MYO16: variants seen among roughly 807,000 people sequenced by gnomAD.
MYO16 encodes myosin XVI.
A neutral mutation model predicts 205.3 loss-of-function variants in MYO16; 94 were observed. That is an observed-to-expected ratio of 0.46 (90% CI 0.39 to 0.54). The LOEUF (loss-of-function observed/expected upper bound fraction) is 0.54, where lower values mean the gene tolerates loss of function less well. Among genes scored for constraint, MYO16 ranks in the 20% least tolerant of loss-of-function variants. The probability of loss-of-function intolerance (pLI) is 0.00; values close to 1 mark genes in which losing one functional copy is unlikely to be tolerated. For synonymous variants in MYO16, 988 were observed against 954.0 expected, an observed-to-expected ratio of 1.04 and a Z score of -0.66; for missense variants, 2,315 against 2,387.5, an observed-to-expected ratio of 0.97 and a Z score of 0.63.
rs891330199 is a variant in MYO16, at chr13:108,873,021, T to C, written c.1425+6779T>C. ...TTACATTGAATTAGTGGTTATTCCC[T>C]GTAGCAATATTAGTGCCTAGTAAAT... On this transcript the variant is annotated intron_variant, in intron 12 of 34. Transcript: ENST00000457511. Among the ~76,000 whole-genome samples, 17 of 152,210 alleles carry C rather than the reference T, an allele frequency of 1.1e-4. 1 individual carries two copies. Among genetic ancestry groups the C allele is most frequent in the Admixed American group, 1.0e-3 (16 of 15,282 alleles).
intron 20 of MYO16, among the ~76,000 whole-genome samples, chr13:108,969,129 G>T (rs992319575): frequency 3.3e-5 from 5 of 152,100 alleles, no homozygotes; most frequent in Non-Finnish European, 5.9e-5. Context: ...TAGTGTTTTC[G>T]AGAGTATAGC....
intron 20 of MYO16, among the ~76,000 whole-genome samples, chr13:108,982,189 G>A (rs1884467986): frequency 6.6e-6 from 1 of 152,254 alleles, no homozygotes; most frequent in African/African-American, 2.4e-5. Context: ...GTTAATACCA[G>A]CGTGTTGTAT....
intron 16 of MYO16, among the ~76,000 whole-genome samples, chr13:108,943,882 G>T (rs1230279042): frequency 6.6e-6 from 1 of 152,238 alleles, no homozygotes; most frequent in African/African-American, 2.4e-5. Context: ...ACCGCCACCG[G>T]CTTTGTTTCT....
chr13:109,123,437 T>C (rs1337229697), intron 29 of MYO16, among the ~76,000 whole-genome samples: 1 of 152,168 alleles, frequency 6.6e-6, no homozygotes, highest in Non-Finnish European at 1.5e-5. Context: ...CGAAAGCCAA[T>C]GTCTCCCTTT....
At chr13:109,093,486 C>T (rs1019556965) in intron 27 of MYO16, among the ~76,000 whole-genome samples, 1 of 152,168 alleles carries the variant, frequency 6.6e-6, no homozygotes, top group Non-Finnish European at 1.5e-5. Flanking sequence ...GTCAATGTCT[C>T]CTTCCGAAGC....
At chr13:108,793,299 A>T (rs958676322) in intron 5 of MYO16, among the ~76,000 whole-genome samples, 2 of 62,664 alleles carry the variant, frequency 3.2e-5, no homozygotes, top group African/African-American at 7.9e-5. Flanking sequence ...AAAAAAAAAA[A>T]AAAAAACATA....
At chr13:108,560,617 T>G in the MYO16 span, among the ~76,000 whole-genome samples, 1 of 152,232 alleles carries the variant, frequency 6.6e-6, no homozygotes, top group Non-Finnish European at 1.5e-5. Flanking sequence ...AGAAGAATTT[T>G]ACACTTTACA....
intron 7 of MYO16, among the ~76,000 whole-genome samples, chr13:108,816,569 T>C (rs900881781): frequency 6.6e-6 from 1 of 152,326 alleles, no homozygotes; most frequent in Middle Eastern, 3.4e-3. Flanking sequence ...TCCATAAGCA[T>C]GAGTTGCAAG....
chr13:109,029,112 C>CTT (rs200871485), intron 23 of MYO16, among the ~76,000 whole-genome samples: 47,739 of 98,076 alleles, frequency 0.49, 11,623 homozygotes, highest in East Asian at 0.68. Flanking sequence ...TTTTTCTTTT[C>CTT]TTTTTTTTTT....
At chr13:108,935,262 T>G (rs1882427845) in intron 16 of MYO16, among the ~76,000 whole-genome samples, 1 of 152,188 alleles carries the variant, frequency 6.6e-6, no homozygotes, top group Non-Finnish European at 1.5e-5. Flanking sequence ...GCATGGAATG[T>G]TTTCCCATTT....
chr13:108,715,691 A>G (rs1883915441), intron 3 of MYO16, among the ~76,000 whole-genome samples: 1 of 152,154 alleles, frequency 6.6e-6, no homozygotes, highest in African/African-American at 2.4e-5. Flanking sequence ...AAAATAAACC[A>G]CTGATTGCAG....
In MYO16 at chr13:108,790,505, G is replaced by A. The variant is rs533505941; in HGVS notation, c.617-3011G>A. 1.4e-3 allele frequency among the ~76,000 whole-genome samples: 207 copies of A among 151,992 alleles called. 1 individual carries two copies. The highest frequency in any genetic ancestry group is 1.0e-3 in the Non-Finnish European group (71 of 67,954). Reference sequence around the variant, plus strand: ...TTAATTTGTTTTCAAAAAACAATACGAAAATCTATATTTTGTACATAAATG... The same window carrying A: ...TTAATTTGTTTTCAAAAAACAATACAAAAATCTATATTTTGTACATAAATG... On this transcript the variant is annotated intron_variant, in intron 5 of 34. Coordinates refer to ENST00000457511, the MANE Select transcript of MYO16 (RefSeq NM_001198950.3).
rs536620405 is a variant in MYO16, at chr13:108,685,303, G to A, written c.292+19154G>A. Among the ~76,000 whole-genome samples the A allele has an allele frequency of 9.8e-4, 149 of 152,258 alleles. 2 individuals carry two copies. Among genetic ancestry groups the A allele is most frequent in the Middle Eastern group, 3.4e-3 (1 of 294 alleles). On this transcript the variant is annotated intron_variant, in intron 2 of 34. Coordinates refer to ENST00000457511, the MANE Select transcript of MYO16 (RefSeq NM_001198950.3). ...CCCAAAGTGCTGGGATTACAGGTGT[G>A]AGCCACTGCACCCAGCCGAGAACCC... is the stretch of plus-strand genomic sequence containing the variant.
chr13:108,582,358 G>A, the MYO16 span, among the ~76,000 whole-genome samples: 14 of 151,974 alleles, frequency 9.2e-5, no homozygotes, highest in African/African-American at 2.4e-4. Flanking sequence ...AGTTCAGTCC[G>A]TTCCATATGA....
At chr13:109,070,380 C>T (rs1358893860) in intron 27 of MYO16, among the ~76,000 whole-genome samples, 1 of 152,194 alleles carries the variant, frequency 6.6e-6, no homozygotes, top group African/African-American at 2.4e-5. Context: ...AATGGACTAA[C>T]ACACAAATGA....
intron 1 of MYO16, among the ~76,000 whole-genome samples, chr13:108,665,087 T>C (rs1428108702): frequency 6.6e-6 from 1 of 152,108 alleles, no homozygotes; most frequent in Non-Finnish European, 1.5e-5. Context: ...TATAAGGAGT[T>C]GATAGCACAT....
chr13:108,846,258 A>G (rs1264219376), intron 10 of MYO16, among the ~76,000 whole-genome samples: 1 of 152,166 alleles, frequency 6.6e-6, no homozygotes, highest in Admixed American at 6.6e-5. Context: ...TTTTCATTAC[A>G]GATATTTAAG....
In MYO16 at chr13:109,019,743, A is replaced by G. The variant is rs552439435; in HGVS notation, c.2628A>G (p.Glu876=). 2 of 1,614,146 alleles carry G rather than the reference A, an allele frequency of 1.2e-6. No homozygotes were observed. The highest frequency in any genetic ancestry group is 4.5e-5 in the East Asian group (2 of 44,872). ...KPSGFLTLLD[E]ESQMIWSVES... ...CTGGATTTCTCACCTTATTGGATGA[A>G]GAAAGTCAAATGATTTGGTCAGTGG... The change falls in exon 23 of 35, where the codon GAA becomes GAG. Residue 876 remains glutamate (E), a synonymous_variant. Transcript: ENST00000457511.
chr13:109,138,712 G>A (rs1372275697), intron 31 of MYO16, among the ~76,000 whole-genome samples: 1 of 152,124 alleles, frequency 6.6e-6, no homozygotes, highest in South Asian at 2.1e-4. Flanking sequence ...TGTAAAACCT[G>A]TCCTCCCTGA....
Sources: gnomAD v4.1 joint callset for allele counts (sites outside exome capture counted in the v4.1 genomes callset) on GRCh38, gnomAD v4.1.1 for gene constraint, MANE v1.5 for transcripts, NCBI Gene and HGNC (gene_info 2026-07-23, HGNC 2026-07-21) for gene names.